SRFBP1: variants seen among roughly 807,000 people sequenced by gnomAD.
SRFBP1 encodes the protein serum response factor-binding protein 1.
Under a neutral mutation model 45.5 loss-of-function variants are expected in SRFBP1, and 47 were observed. That is an observed-to-expected ratio of 1.03 (90% CI 0.82 to 1.32). SRFBP1 has a LOEUF of 1.32. Ranked by LOEUF, SRFBP1 falls within the 40% of genes most tolerant of loss-of-function variation. The pLI, the probability that SRFBP1 is intolerant of heterozygous loss-of-function variation, is 0.00. For synonymous variants in SRFBP1, 203 were observed against 166.3 expected (o/e 1.22, Z -1.70); for missense variants, 621 against 484.6 (o/e 1.28, Z -2.64).
At chr5:122,017,933 A>T (rs1256737746) in intron 4 of SRFBP1, among the ~76,000 whole-genome samples, 2 of 152,220 alleles carry the variant, frequency 1.3e-5, no homozygotes, top group Non-Finnish European at 2.9e-5. Flanking sequence ...TCACTATTCT[A>T]GGCACTGAAT....
intron 4 of SRFBP1, among the ~76,000 whole-genome samples, chr5:122,012,026 A>T (rs551810198): frequency 6.6e-6 from 1 of 152,264 alleles, no homozygotes; most frequent in Admixed American, 6.5e-5. Context: ...TTGGGTCATG[A>T]AATGTGAAAG....
intron 3 of SRFBP1, among the ~76,000 whole-genome samples, chr5:121,988,108 G>A (rs1047284178): frequency 6.6e-6 from 1 of 152,124 alleles, no homozygotes; most frequent in South Asian, 2.1e-4. Context: ...GGCTATTAGG[G>A]GATGACGTCT....
chr5:122,066,528 T>C, intron 2 of SRFBP1: 1 of 480,564 alleles, frequency 2.1e-6, no homozygotes, highest in Admixed American at 3.4e-5. Context: ...CAAAGTGATG[T>C]AAATAATAAA....
At chr5:121,979,770 A>G (rs563252651) in intron 3 of SRFBP1, among the ~76,000 whole-genome samples, 1 of 152,148 alleles carries the variant, frequency 6.6e-6, no homozygotes, top group African/African-American at 2.4e-5. Context: ...TCCAGCCCAG[A>G]GTCTCCAAAT....
chr5:121,997,003 G>A (rs749745534), intron 4 of SRFBP1, among the ~76,000 whole-genome samples: 1 of 114,106 alleles, frequency 8.8e-6, no homozygotes, highest in Non-Finnish European at 1.8e-5. Flanking sequence ...CACTGCTCAA[G>A]GAAATAAAAG....
intron 4 of SRFBP1, among the ~76,000 whole-genome samples, chr5:122,002,163 T>C (rs139868872): frequency 6.6e-6 from 1 of 152,304 alleles, no homozygotes; most frequent in African/African-American, 2.4e-5. Flanking sequence ...TGGGAGAGAA[T>C]TACATCCCCA....
chr5:122,043,708 G>T (rs1753806720), intron 2 of SRFBP1, among the ~76,000 whole-genome samples: 1 of 151,774 alleles, frequency 6.6e-6, no homozygotes, highest in African/African-American at 2.4e-5. Context: ...TTAGAATAAG[G>T]GTCAGCAAAC....
At chr5:121,997,846 G>A (rs1244241729) in intron 4 of SRFBP1, among the ~76,000 whole-genome samples, 2 of 150,880 alleles carry the variant, frequency 1.3e-5, no homozygotes, top group African/African-American at 2.4e-5. Flanking sequence ...CCATCAAAAA[G>A]TGGGCGAAGG....
At chr5:122,004,136 C>G (rs1266226834) in intron 4 of SRFBP1, among the ~76,000 whole-genome samples, 2 of 152,066 alleles carry the variant, frequency 1.3e-5, no homozygotes, top group Non-Finnish European at 2.9e-5. Context: ...CAGTCATGCG[C>G]CACCATGCCC....
chr5:122,053,560 G>T (rs1754026705), intron 2 of SRFBP1, among the ~76,000 whole-genome samples: 1 of 151,974 alleles, frequency 6.6e-6, no homozygotes, highest in African/African-American at 2.4e-5. Flanking sequence ...GGGCTGGCCT[G>T]CCCTGACATG....
At chr5:122,036,533 T>C (rs951738779) in intron 2 of SRFBP1, among the ~76,000 whole-genome samples, 1 of 152,214 alleles carries the variant, frequency 6.6e-6, no homozygotes, top group Non-Finnish European at 1.5e-5. Flanking sequence ...TCAGACAGTT[T>C]ATGTTAACAA....
intron 2 of SRFBP1, chr5:122,070,615 A>G (rs1327413707): frequency 7.9e-7 from 1 of 1,270,992 alleles, no homozygotes; most frequent in Non-Finnish European, 1.1e-6. Context: ...TAAAAAATTT[A>G]AAATTATGGT....
At chr5:122,037,402 G>T (rs977976394) in intron 2 of SRFBP1, among the ~76,000 whole-genome samples, 1 of 152,184 alleles carries the variant, frequency 6.6e-6, no homozygotes, top group Admixed American at 6.5e-5. Flanking sequence ...CTTGCAGGTA[G>T]GGTAAACTCC....
intron 4 of SRFBP1, among the ~76,000 whole-genome samples, chr5:121,996,385 G>T (rs1752729127): frequency 9.3e-5 from 1 of 10,786 alleles, no homozygotes; most frequent in Non-Finnish European, 1.8e-4. Context: ...ATGTAATCCA[G>T]CATATAAACA....
intron 2 of SRFBP1, among the ~76,000 whole-genome samples, chr5:122,059,108 G>A (rs566356466): frequency 1.4e-4 from 21 of 152,140 alleles, no homozygotes; most frequent in African/African-American, 3.4e-4. Flanking sequence ...AGAGTATGTC[G>A]TTTTTTTCCA....
intron 1 of SRFBP1, among the ~76,000 whole-genome samples, chr5:121,963,846 T>A (rs2112807882): frequency 6.6e-6 from 1 of 151,898 alleles, no homozygotes. Flanking sequence ...ATATTATAAT[T>A]TAAAATTAGT....
intron 2 of SRFBP1, among the ~76,000 whole-genome samples, chr5:122,035,404 G>A (rs1753676801): frequency 6.6e-6 from 1 of 152,164 alleles, no homozygotes; most frequent in African/African-American, 2.4e-5. Context: ...TTCAGCTGCA[G>A]CAATTCATCA....
intron 4 of SRFBP1, among the ~76,000 whole-genome samples, chr5:122,009,571 C>G (rs1262330467): frequency 6.6e-6 from 1 of 152,184 alleles, no homozygotes; most frequent in Non-Finnish European, 1.5e-5. Flanking sequence ...TTCCATTCTT[C>G]AGATGAGTAG....
chr5:121,966,946 ATTTTTTTTT>A (rs34687337), intron 1 of SRFBP1, among the ~76,000 whole-genome samples: 1 of 114,686 alleles, frequency 8.7e-6, no homozygotes, highest in Non-Finnish European at 1.7e-5. Context: ...CGCCCAGCTA[ATTTTTTTTT>A]TTTTTTTTTT....
Sources: gnomAD v4.1 joint callset for allele counts (sites outside exome capture counted in the v4.1 genomes callset) on GRCh38, gnomAD v4.1.1 for gene constraint, MANE v1.5 for transcripts, NCBI Gene and HGNC (gene_info 2026-07-23, HGNC 2026-07-21) for gene names.